Variants in AKR1E2 observed in about 807,000 individuals in gnomAD.
AKR1E2 encodes aldo-keto reductase family 1 member E2, also known as 1,5-anhydro-D-fructose reductase.
A neutral mutation model predicts 41.9 loss-of-function variants in AKR1E2; 43 were observed. The observed-to-expected ratio is 1.03, with a 90% CI of 0.80 to 1.32. The LOEUF (loss-of-function observed/expected upper bound fraction) is 1.32, where lower values mean the gene tolerates loss of function less well. AKR1E2 is among the 40% of genes most tolerant of loss of function. The pLI is 0.00. For synonymous variants in AKR1E2, 121 were observed against 138.9 expected, an observed-to-expected ratio of 0.87 and a Z score of 0.91; for missense variants, 423 against 396.5, an observed-to-expected ratio of 1.07 and a Z score of -0.57.
the AKR1E2 span, among the ~76,000 whole-genome samples, chr10:4,869,794 C>T: frequency 2.0e-4 from 31 of 151,886 alleles, no homozygotes; most frequent in Non-Finnish European, 3.5e-4. Flanking sequence ...GTTTAATTTC[C>T]AAGAGTTTGG....
chr10:4,838,317 C>G (rs867131427), intron 5 of AKR1E2, among the ~76,000 whole-genome samples: 1 of 152,170 alleles, frequency 6.6e-6, no homozygotes, highest in South Asian at 2.1e-4. Context: ...GCAACATAAA[C>G]CCCTCTGTGC....
downstream of AKR1E2, among the ~76,000 whole-genome samples, chr10:4,852,379 C>T (rs1564282578): frequency 6.6e-6 from 1 of 152,168 alleles, no homozygotes; most frequent in Non-Finnish European, 1.5e-5. Flanking sequence ...TCACGGCCCT[C>T]ATTAGTGAAG....
chr10:4,856,584 C>G, the AKR1E2 span, among the ~76,000 whole-genome samples: 1 of 152,154 alleles, frequency 6.6e-6, no homozygotes, highest in Non-Finnish European at 1.5e-5. Context: ...AAAAGTCATA[C>G]AGGAAGCATT....
intron 6 of AKR1E2, among the ~76,000 whole-genome samples, chr10:4,841,449 C>T (rs1342971364): frequency 6.6e-6 from 1 of 151,268 alleles, no homozygotes; most frequent in Non-Finnish European, 1.5e-5. Flanking sequence ...ACAGTAGAAG[C>T]TGAGAAGTCA....
rs1285637164 is a variant in AKR1E2 at position 4,826,231 on chromosome 10, G to C, written c.-94G>C. ...CGTCACAAGGCACTTCCAGCCAGTC[G>C]CAACGGCGGGTCGCCAGCGCCGCAG... On this transcript the variant is annotated 5_prime_UTR_variant, in exon 1 of 10. Coordinates refer to ENST00000298375, the MANE Select transcript of AKR1E2 (RefSeq NM_001040177.3). 3 of 1,044,968 alleles carry C rather than the reference G, an allele frequency of 2.9e-6. No individual in the cohort carries two copies. In the East Asian group the frequency reaches 9.7e-5, roughly 34 times the overall value. The allele number at this position is 1,044,968 out of a possible 1,614,324, so 64.7% of individuals were successfully genotyped here. A position where few individuals can be genotyped will look rare whatever the true frequency, so the allele number is the denominator to read the frequency against.
At chr10:4,867,096 T>C in the AKR1E2 span, among the ~76,000 whole-genome samples, 3 of 152,208 alleles carry the variant, frequency 2.0e-5, no homozygotes, top group African/African-American at 4.8e-5. Context: ...GCTGTTACCA[T>C]CTTTGTTTAA....
chr10:4,851,642 T>C (rs934388741), downstream of AKR1E2, among the ~76,000 whole-genome samples: 4 of 152,244 alleles, frequency 2.6e-5, no homozygotes, highest in East Asian at 7.7e-4. Context: ...TCTATAAGTA[T>C]GTTACAGGTT....
chr10:4,864,995 G>A, the AKR1E2 span, among the ~76,000 whole-genome samples: 1 of 152,132 alleles, frequency 6.6e-6, no homozygotes, highest in Admixed American at 6.6e-5. Context: ...TGAATAAAGA[G>A]TTAACTATGA....
intron 1 of AKR1E2, among the ~76,000 whole-genome samples, chr10:4,830,317 C>T (rs1001877596): frequency 6.6e-6 from 1 of 151,998 alleles, no homozygotes; most frequent in African/African-American, 2.4e-5. Context: ...TTATTGGACG[C>T]TGTGGTATCT....
the AKR1E2 span, among the ~76,000 whole-genome samples, chr10:4,864,427 C>G: frequency 6.6e-6 from 1 of 152,154 alleles, no homozygotes; most frequent in African/African-American, 2.4e-5. Context: ...ATGCTAAAAA[C>G]TCTCAATAAA....
At chr10:4,842,584 C>T in intron 8 of AKR1E2, 80 bp downstream of exon 8, 1 of 1,333,808 alleles carries the variant, frequency 7.5e-7, no homozygotes, top group Non-Finnish European at 1.1e-6. Flanking sequence ...AGCATACAGC[C>T]TCAGGGTTGC....
At chr10:4,850,485 TG>T (rs1456508862), downstream of AKR1E2, among the ~76,000 whole-genome samples, 1 of 152,212 alleles carries the variant, frequency 6.6e-6, no homozygotes, top group African/African-American at 2.4e-5. Flanking sequence ...CGCTGACTGA[TG>T]GCAGTTTATG....
chr10:4,835,736 G>T lies in AKR1E2; in HGVS notation c.386G>T (p.Arg129Leu), dbSNP rs772663485. The T allele has an allele frequency of 2.5e-6, 4 of 1,613,918 alleles. No individual in the cohort carries two copies. Among genetic ancestry groups the T allele is most frequent in the Non-Finnish European group, 3.4e-6 (4 of 1,180,028 alleles). The change falls in exon 4 of 10, where the codon CGA becomes CTA. Residue 129 changes from arginine to leucine, a missense_variant. Arg to Leu is a moderately radical substitution (Grantham distance 102). Transcript: ENST00000298375. ...CTTTCCTTCTGCCTCTCACATCCTC[G>T]AGTGCAGGACTTGCCTCTGGACGAG... ...SELSFCLSHP[R>L]VQDLPLDESN...
intron 7 of AKR1E2, 81 bp downstream of exon 7, chr10:4,841,938 T>C: frequency 2.3e-6 from 3 of 1,315,728 alleles, no homozygotes; most frequent in Non-Finnish European, 3.1e-6. Flanking sequence ...GCTTGGCAGG[T>C]CCCAGGAAGG....
In AKR1E2 at chr10:4,842,444, G is replaced by A. The variant is rs755488577; in HGVS notation, c.777G>A (p.Gln259=). The A allele has an allele frequency of 1.2e-6, 2 of 1,614,182 alleles. No individual in the cohort carries two copies. The highest frequency in any genetic ancestry group is 2.2e-5 in the South Asian group (2 of 91,082). ...PAQILIRFQI[Q]RNVIVIPGSI... is the part of the protein sequence containing the mutation. ...AGATTTTGATCCGATTTCAAATCCAGAGGAATGTGATAGTGATCCCCGGAT... is the reference window on the plus strand; with the variant it reads ...AGATTTTGATCCGATTTCAAATCCAAAGGAATGTGATAGTGATCCCCGGAT... The change falls in exon 8 of 10, where the codon CAG becomes CAA. Residue 259 remains glutamine, a synonymous_variant. Coordinates refer to ENST00000298375, the MANE Select transcript of AKR1E2 (RefSeq NM_001040177.3).
downstream of AKR1E2, among the ~76,000 whole-genome samples, chr10:4,850,529 C>G (rs1052234354): frequency 6.6e-6 from 1 of 152,126 alleles, no homozygotes; most frequent in African/African-American, 2.4e-5. Flanking sequence ...CAACTGTTTC[C>G]CAAAGTGCAC....
At chr10:4,863,216 C>G in the AKR1E2 span, among the ~76,000 whole-genome samples, 1 of 152,152 alleles carries the variant, frequency 6.6e-6, no homozygotes, top group Non-Finnish European at 1.5e-5. Context: ...GGAAGTAAAG[C>G]ACTCCTCAGC....
the AKR1E2 span, among the ~76,000 whole-genome samples, chr10:4,869,596 T>C: frequency 1.3e-5 from 2 of 152,084 alleles, no homozygotes; most frequent in African/African-American, 4.8e-5. Flanking sequence ...TCTAGGTTCT[T>C]GAGATAAGAG....
At chr10:4,859,655 A>G in the AKR1E2 span, among the ~76,000 whole-genome samples, 2 of 152,230 alleles carry the variant, frequency 1.3e-5, no homozygotes, top group Non-Finnish European at 2.9e-5. Context: ...AAAGGCATTT[A>G]CAGCCATTGT....
Sources: gnomAD v4.1 joint callset for allele counts (sites outside exome capture counted in the v4.1 genomes callset) on GRCh38, gnomAD v4.1.1 for gene constraint, MANE v1.5 for transcripts, NCBI Gene and HGNC (gene_info 2026-07-23, HGNC 2026-07-21) for gene names.